The following PVT1 variants were observed in gnomAD, a reference collection of about 807,000 sequenced individuals.
PVT1 encodes the protein CXCR4/PVT1 fusion.
At chr8:127,933,866 G>A (rs559280119) in intron 3 of PVT1, among the ~76,000 whole-genome samples, 3 of 152,208 alleles carry the variant, frequency 2.0e-5, no homozygotes, top group African/African-American at 7.2e-5. Context: ...TACATCCTGG[G>A]TTCTTCATCC....
intron 4 of PVT1, among the ~76,000 whole-genome samples, chr8:128,000,942 C>A (rs1271597181): frequency 6.6e-6 from 1 of 152,210 alleles, no homozygotes; most frequent in African/African-American, 2.4e-5. Context: ...GTGCCTTTTC[C>A]ATGTTCAATA....
chr8:127,958,569 T>G (rs914086141), intron 3 of PVT1, among the ~76,000 whole-genome samples: 17 of 152,146 alleles, frequency 1.1e-4, no homozygotes, highest in African/African-American at 3.6e-4. Context: ...ATCCCCTTTT[T>G]GGGGAAGACA....
intron 4 of PVT1, among the ~76,000 whole-genome samples, chr8:127,993,221 C>A (rs10956402): frequency 0.31 from 47,636 of 152,200 alleles, 8,634 homozygotes; most frequent in Admixed American, 0.51. Context: ...AAAATGTGCC[C>A]AACTTTTTTT....
chr8:128,086,262 G>A (rs1814253805), intron 5 of PVT1, among the ~76,000 whole-genome samples: 2 of 152,326 alleles, frequency 1.3e-5, no homozygotes, highest in South Asian at 4.1e-4. Flanking sequence ...GGTCTAGGCA[G>A]TGGGCAAAAG....
At chr8:127,821,280 A>G (rs1814725789) in intron 2 of PVT1, among the ~76,000 whole-genome samples, 2 of 152,182 alleles carry the variant, frequency 1.3e-5, no homozygotes, top group Admixed American at 1.3e-4. Context: ...CACTAGCCGC[A>G]TGTGGCTATT....
At chr8:128,091,178 C>T (rs1364440830) in intron 5 of PVT1, among the ~76,000 whole-genome samples, 1 of 152,182 alleles carries the variant, frequency 6.6e-6, no homozygotes, top group African/African-American at 2.4e-5. Context: ...GGGGCGATCA[C>T]TCCTCTGTTT....
intron 3 of PVT1, among the ~76,000 whole-genome samples, chr8:127,985,115 C>G (rs1279781038): frequency 6.6e-6 from 1 of 150,568 alleles, no homozygotes; most frequent in Non-Finnish European, 1.5e-5. Context: ...CTCACTGTAA[C>G]CTCTGCTGCC....
chr8:127,980,066 G>C (rs1816866212), intron 3 of PVT1, among the ~76,000 whole-genome samples: 2 of 152,124 alleles, frequency 1.3e-5, no homozygotes, highest in South Asian at 4.1e-4. Context: ...TATTTTTGTA[G>C]AGATGGGGTC....
chr8:127,817,554 C>A (rs1463375354), intron 2 of PVT1, among the ~76,000 whole-genome samples: 19 of 80,518 alleles, frequency 2.4e-4, no homozygotes, highest in Admixed American at 5.5e-4. Context: ...TATACACACA[C>A]ACACACATAT....
At chr8:128,049,563 C>T (rs1403425649) in intron 4 of PVT1, among the ~76,000 whole-genome samples, 2 of 152,200 alleles carry the variant, frequency 1.3e-5, no homozygotes, top group African/African-American at 4.8e-5. Context: ...CCTTGCTCTT[C>T]TCTGCCTTGT....
At chr8:128,070,287 G>C (rs1813969019) in exon 5 of PVT1, 1 of 152,356 alleles carries the variant, frequency 6.6e-6, no homozygotes, top group Admixed American at 6.5e-5. Flanking sequence ...CCACAGCCTA[G>C]TTCTGTGATA....
At position 128,057,069 on chromosome 8, in the gene PVT1, G is replaced by A. The variant is rs1032841128; in HGVS notation, n.913-13091G>A. 5.9e-5 allele frequency among the ~76,000 whole-genome samples: 9 copies of A among 152,244 alleles called. No individual in the cohort carries two copies. In the East Asian group the frequency reaches 7.7e-4, roughly 13 times the overall value. On this transcript the variant is annotated intron_variant and non_coding_transcript_variant, in intron 4 of 10. Transcript: ENST00000651587. The stretch of plus-strand genomic sequence containing the variant: ...CTCACCACTTCCAGGCTGAGCTGAC[G>A]TCAAGTTTAGCTGTGAGATAACCAG...
At chr8:128,095,206 GGCTGGAATCCCA>G (rs1436904688) in intron 5 of PVT1, among the ~76,000 whole-genome samples, 1 of 152,122 alleles carries the variant, frequency 6.6e-6, no homozygotes, top group Non-Finnish European at 1.5e-5. Context: ...TTGGAATCTG[GGCTGGAATCCCA>G]GCTGTGCCCC....
At chr8:127,848,667 G>A (rs1191689909) in intron 2 of PVT1, among the ~76,000 whole-genome samples, 1 of 152,088 alleles carries the variant, frequency 6.6e-6, no homozygotes, top group East Asian at 1.9e-4. Context: ...TGGGCAACAA[G>A]ACCGAAACTC....
intron 4 of PVT1, among the ~76,000 whole-genome samples, chr8:128,017,500 G>A (rs1054490713): frequency 6.6e-6 from 1 of 151,910 alleles, no homozygotes; most frequent in African/African-American, 2.4e-5. Context: ...GGAGTGCAGT[G>A]AGCTCACTGC....
Position 127,852,785 on chromosome 8 carries a change from C to T in PVT1, n.373-37804C>T, listed in dbSNP as rs577218710. On this transcript the variant is annotated intron_variant and non_coding_transcript_variant, in intron 2 of 10. Transcript: ENST00000651587. ...TCCATCCACACAGCAGCCTGGTACC[C>T]GCTGTTCTCTAGGTTCTGGACACAC... Among the ~76,000 whole-genome samples, 160 of 152,276 alleles carry T rather than the reference C, an allele frequency of 1.1e-3. 1 individual carries two copies. The highest frequency in any genetic ancestry group is 3.4e-3 in the Middle Eastern group (1 of 294).
chr8:127,882,063 T>C lies in PVT1; in HGVS notation n.373-8526T>C, dbSNP rs146705847. On this transcript the variant is annotated intron_variant and non_coding_transcript_variant, in intron 2 of 10. Transcript: ENST00000651587. ...CTTATTCTTTGTTTTATTGAACAGA[T>C]GAGGAAACACTTTCAATGAGCTTAA... Among the ~76,000 whole-genome samples, 440 of 152,272 alleles carry C rather than the reference T, an allele frequency of 2.9e-3. 2 individuals carry two copies. The highest frequency in any genetic ancestry group is 0.01 in the African/African-American group (419 of 41,560).
At chr8:127,947,832 T>A in intron 3 of PVT1, 1 of 456,536 alleles carries the variant, frequency 2.2e-6, no homozygotes, top group Non-Finnish European at 4.4e-6. Flanking sequence ...AAAGCTCACA[T>A]TTATTAAGCA....
At chr8:128,039,329 TCCACA>T (rs1427644751) in intron 4 of PVT1, among the ~76,000 whole-genome samples, 1 of 152,164 alleles carries the variant, frequency 6.6e-6, no homozygotes, top group African/African-American at 2.4e-5. Context: ...CAGAGAACAA[TCCACA>T]CCAGCTGGTT....
Sources: allele counts gnomAD v4.1 joint callset (sites outside exome capture counted in the v4.1 genomes callset), GRCh38; gene constraint gnomAD v4.1.1; transcripts MANE v1.5; gene names NCBI Gene and HGNC (gene_info 2026-07-23, HGNC 2026-07-21).